ASTN2: variants seen among roughly 807,000 people sequenced by gnomAD.
ASTN2 encodes astrotactin-2.
In ASTN2, 54 loss-of-function variants were observed where a neutral mutation model predicts 139.8. The observed-to-expected ratio is 0.39, with a 90% CI of 0.31 to 0.48. ASTN2 has a LOEUF of 0.48. ASTN2 is among the 20% of genes least tolerant of loss of function. The pLI, the probability that ASTN2 is intolerant of heterozygous loss-of-function variation, is 0.95. For missense variants in ASTN2, 1,565 were observed against 1,725.1 expected (o/e 0.91, Z 1.64); for synonymous variants, 756 against 719.5 (o/e 1.05, Z -0.81).
chr9:116,638,650 C>G (rs1857185360), intron 17 of ASTN2, among the ~76,000 whole-genome samples: 1 of 152,100 alleles, frequency 6.6e-6, no homozygotes, highest in Non-Finnish European at 1.5e-5. Flanking sequence ...CAGCAAAATC[C>G]AGGTTGTGGG....
At chr9:117,060,658 C>T (rs1470060155) in intron 5 of ASTN2, among the ~76,000 whole-genome samples, 1 of 151,798 alleles carries the variant, frequency 6.6e-6, no homozygotes, top group Non-Finnish European at 1.5e-5. Flanking sequence ...CTTTGGGAGG[C>T]TGAGGTGGGC....
intron 1 of ASTN2, among the ~76,000 whole-genome samples, chr9:117,313,117 G>C (rs543671249): frequency 4.6e-5 from 7 of 152,192 alleles, no homozygotes; most frequent in Admixed American, 1.3e-4. Flanking sequence ...GAGCACTTAA[G>C]GTGTTCACAC....
chr9:117,053,394 G>A (rs1407576251), intron 5 of ASTN2, among the ~76,000 whole-genome samples: 2 of 152,146 alleles, frequency 1.3e-5, no homozygotes, highest in Non-Finnish European at 2.9e-5. Context: ...TGAGGCTGCA[G>A]TACGCTATGA....
chr9:116,502,141 A>ATGTGTGTG (rs35212715), intron 19 of ASTN2, among the ~76,000 whole-genome samples: 24 of 150,790 alleles, frequency 1.6e-4, no homozygotes, highest in African/African-American at 4.4e-4. Context: ...AGATTTCCAA[A>ATGTGTGTG]TGTGTGTGTG....
intron 17 of ASTN2, among the ~76,000 whole-genome samples, chr9:116,638,837 T>C (rs1022619889): frequency 6.6e-6 from 1 of 152,194 alleles, no homozygotes. Context: ...CCAGTAAACA[T>C]GAACAATAAT....
chr9:116,425,405 G>A lies in ASTN2; in HGVS notation c.*446C>T. The A allele has an allele frequency of 3.0e-6, 2 of 673,164 alleles. No homozygotes were observed. Among genetic ancestry groups the A allele is most frequent in the Non-Finnish European group, 5.3e-6 (2 of 380,870 alleles). 41.7% of individuals were successfully genotyped at this position (673,164 alleles called of 1,614,324 possible). On this transcript the variant is annotated 3_prime_UTR_variant, in exon 23 of 23. Transcript: ENST00000313400. ...CCATCCTCAGAGCTTCCTTCCTGGT[G>A]CTGAAGAGGTCAAAACTGTCTCCTC...
intron 3 of ASTN2, among the ~76,000 whole-genome samples, chr9:117,212,416 A>G (rs184416198): frequency 6.6e-6 from 1 of 152,176 alleles, no homozygotes; most frequent in East Asian, 1.9e-4. Flanking sequence ...AGACAAGATT[A>G]TATGTCAAAC....
At chr9:116,870,895 C>T (rs1833145749) in intron 10 of ASTN2, among the ~76,000 whole-genome samples, 1 of 152,106 alleles carries the variant, frequency 6.6e-6, no homozygotes, top group South Asian at 2.1e-4. Flanking sequence ...TAATCATTCT[C>T]TGGTAATAGC....
chr9:117,304,661 A>G (rs1211192003), intron 1 of ASTN2, among the ~76,000 whole-genome samples: 2 of 152,146 alleles, frequency 1.3e-5, no homozygotes, highest in African/African-American at 4.8e-5. Flanking sequence ...AATAAGCTCC[A>G]TGCCTGTTCG....
intron 19 of ASTN2, among the ~76,000 whole-genome samples, chr9:116,533,533 C>T (rs933112925): frequency 6.6e-5 from 10 of 152,088 alleles, no homozygotes; most frequent in African/African-American, 2.2e-4. Flanking sequence ...CAGAAATGTC[C>T]CATCAACACC....
chr9:116,590,962 T>G (rs1383847021), intron 19 of ASTN2, among the ~76,000 whole-genome samples: 1 of 152,230 alleles, frequency 6.6e-6, no homozygotes, highest in Non-Finnish European at 1.5e-5. Flanking sequence ...AGGGCTGTTC[T>G]GTCACTCAAT....
intron 13 of ASTN2, among the ~76,000 whole-genome samples, chr9:116,750,144 A>T (rs1829358384): frequency 6.6e-6 from 1 of 152,224 alleles, no homozygotes; most frequent in Non-Finnish European, 1.5e-5. Flanking sequence ...AGCCTTCAGT[A>T]GACTGGACAG....
rs7040449 is a variant in ASTN2, at chr9:116,891,511, C to A, written c.1890-27778G>T. Reference sequence around the variant, plus strand: ...ACTGTGTAAAGCAGCAACTACGTTACCCCCACTTTATAGATGAGGAAATGG... The same window carrying A: ...ACTGTGTAAAGCAGCAACTACGTTAACCCCACTTTATAGATGAGGAAATGG... On this transcript the variant is annotated intron_variant, in intron 10 of 22. Transcript: ENST00000313400. Among the ~76,000 whole-genome samples, 636 of 152,330 alleles carry A rather than the reference C, an allele frequency of 4.2e-3. 4 individuals carry two copies. The highest frequency in any genetic ancestry group is 0.015 in the African/African-American group (617 of 41,572).
intron 10 of ASTN2, 112 bp downstream of exon 10, chr9:116,975,096 C>G: frequency 1.8e-6 from 2 of 1,133,160 alleles, no homozygotes; most frequent in Non-Finnish European, 2.4e-6. Flanking sequence ...CAGTGTTCTT[C>G]ACATCAACTA....
intron 10 of ASTN2, among the ~76,000 whole-genome samples, chr9:116,965,016 C>T (rs1432560234): frequency 3.3e-5 from 5 of 152,176 alleles, no homozygotes; most frequent in Non-Finnish European, 5.9e-5. Context: ...ATAGGGAGGA[C>T]TTCTAAATAC....
chr9:117,292,696 A>G (rs1216487538), intron 1 of ASTN2, among the ~76,000 whole-genome samples: 1 of 152,126 alleles, frequency 6.6e-6, no homozygotes, highest in Non-Finnish European at 1.5e-5. Flanking sequence ...CCTCGAGTGC[A>G]TTCACACACA....
chr9:116,648,907 G>A (rs553005997), intron 17 of ASTN2, among the ~76,000 whole-genome samples: 8 of 152,060 alleles, frequency 5.3e-5, no homozygotes, highest in African/African-American at 9.6e-5. Flanking sequence ...GGTGGTGGAC[G>A]CCTGTAATCC....
At chr9:117,285,714 T>C (rs1194252017) in intron 2 of ASTN2, among the ~76,000 whole-genome samples, 1 of 152,218 alleles carries the variant, frequency 6.6e-6, no homozygotes, top group Non-Finnish European at 1.5e-5. Context: ...CCACAACTTC[T>C]TGATTCGGCC....
intron 11 of ASTN2, among the ~76,000 whole-genome samples, chr9:116,834,881 T>C (rs575835486): frequency 7.6e-4 from 115 of 152,234 alleles, no homozygotes; most frequent in African/African-American, 2.7e-3. Flanking sequence ...GATCCTATCT[T>C]TTCAAAAAAT....
Sources: allele counts gnomAD v4.1 joint callset (sites outside exome capture counted in the v4.1 genomes callset), GRCh38; gene constraint gnomAD v4.1.1; transcripts MANE v1.5; gene names NCBI Gene and HGNC (gene_info 2026-07-23, HGNC 2026-07-21).